The following RPRD2 variants were observed in gnomAD, a reference collection of about 807,000 sequenced individuals.
RPRD2 encodes regulation of nuclear pre-mRNA domain containing 2.
Under a neutral mutation model 104.4 loss-of-function variants are expected in RPRD2, and 12 were observed. That is an observed-to-expected ratio of 0.11 (90% CI 0.07 to 0.19). The LOEUF is 0.19. Among genes scored for constraint, RPRD2 ranks in the 10% least tolerant of loss-of-function variants. RPRD2 has a pLI of 1.00. For missense variants in RPRD2, 1,543 were observed against 1,790.1 expected, an observed-to-expected ratio of 0.86 and a Z score of 2.49; for synonymous variants, 714 against 684.9, an observed-to-expected ratio of 1.04 and a Z score of -0.66.
chr1:150,369,642 TGTA>T (rs1560141517), intron 1 of RPRD2, among the ~76,000 whole-genome samples: 28 of 136,106 alleles, frequency 2.1e-4, no homozygotes, highest in African/African-American at 3.8e-4. Flanking sequence ...TTTTTTTTTT[TGTA>T]TTTTTAGTAG....
intron 7 of RPRD2, among the ~76,000 whole-genome samples, chr1:150,450,178 C>CT (rs1667056776): frequency 6.6e-6 from 1 of 152,132 alleles, no homozygotes; most frequent in South Asian, 2.1e-4. Context: ...TATGAAAGAT[C>CT]TTAAGTCCAG....
chr1:150,422,577 C>G (rs1361822662), intron 2 of RPRD2, among the ~76,000 whole-genome samples: 2 of 151,954 alleles, frequency 1.3e-5, no homozygotes, highest in East Asian at 3.8e-4. Flanking sequence ...TTACTCAGTC[C>G]TAGGCTGATG....
chr1:150,444,401 T>G, intron 6 of RPRD2, 24 bp downstream of exon 6: 1 of 1,603,192 alleles, frequency 6.2e-7, no homozygotes, highest in East Asian at 2.3e-5. Context: ...CCTTTTAGAG[T>G]AAGTCAGATT....
At chr1:150,366,227 A>G (rs139783862) in intron 1 of RPRD2, among the ~76,000 whole-genome samples, 2,135 of 152,332 alleles carry the variant, frequency 0.014, 55 homozygotes, top group African/African-American at 0.049. Context: ...AGTGAGACCC[A>G]TCATCCAGTT....
At chr1:150,435,523 A>C (rs141040873) in intron 2 of RPRD2, among the ~76,000 whole-genome samples, 2 of 152,352 alleles carry the variant, frequency 1.3e-5, no homozygotes, top group African/African-American at 2.4e-5. Flanking sequence ...TAAGAAAGCA[A>C]AATAGCTTTA....
intron 1 of RPRD2, among the ~76,000 whole-genome samples, chr1:150,370,572 C>CTTTTTTTTTTTTTTT (rs11288735): frequency 9.1e-6 from 1 of 109,750 alleles, no homozygotes; most frequent in East Asian, 2.7e-4. Context: ...TCCATTTTGT[C>CTTTTTTTTTTTTTTT]TTTTTTTTTT....
intron 1 of RPRD2, among the ~76,000 whole-genome samples, chr1:150,389,086 G>T (rs895411051): frequency 2.6e-5 from 4 of 152,014 alleles, no homozygotes; most frequent in African/African-American, 4.8e-5. Flanking sequence ...GCCCAGGCTG[G>T]TGTGCAGTGG....
intron 1 of RPRD2, among the ~76,000 whole-genome samples, chr1:150,369,487 T>C (rs1572333845): frequency 7.9e-6 from 1 of 125,976 alleles, no homozygotes; most frequent in South Asian, 2.7e-4. Flanking sequence ...GACGGAGTCT[T>C]GCTCTGTCGC....
chr1:150,444,035 A>G (rs1007653960), intron 5 of RPRD2, among the ~76,000 whole-genome samples: 2 of 152,116 alleles, frequency 1.3e-5, no homozygotes, highest in Admixed American at 6.5e-5. Context: ...AAATAAATAA[A>G]TGAAGTCTAT....
At chr1:150,365,047 C>G in intron 1 of RPRD2, 128 bp downstream of exon 1, 2 of 843,942 alleles carry the variant, frequency 2.4e-6, no homozygotes, top group Middle Eastern at 3.6e-4. Context: ...AGGTTTGACC[C>G]CAGTGGTCCC....
chr1:150,474,278 A>G lies in RPRD2; in HGVS notation c.*944A>G, dbSNP rs1266034695. 6.6e-6 allele frequency: 1 copy of G among 152,184 alleles called. No individual in the cohort carries two copies. The highest frequency in any genetic ancestry group is 1.5e-5 in the Non-Finnish European group (1 of 68,030). The allele number at this position is 152,184 out of a possible 1,614,324, so 9.4% of individuals were successfully genotyped here. On this transcript the variant is annotated 3_prime_UTR_variant, in exon 11 of 11. Coordinates refer to ENST00000369068, the MANE Select transcript of RPRD2 (RefSeq NM_015203.5). Reference sequence around the variant, plus strand: ...ATAAGAAGTAGACATTAATTTTACCATGGTGCCTCCCTAATGTAAGTGATA... The same window carrying G: ...ATAAGAAGTAGACATTAATTTTACCGTGGTGCCTCCCTAATGTAAGTGATA...
Position 150,471,421 on chromosome 1 carries a change from A to G in RPRD2, c.2473A>G (p.Thr825Ala). 3.1e-6 allele frequency: 5 copies of G among 1,613,876 alleles called. No homozygotes were observed. The highest frequency in any genetic ancestry group is 4.2e-6 in the Non-Finnish European group (5 of 1,179,870). The change falls in exon 11 of 11, where the codon ACT (threonine) becomes GCT (alanine). Residue 825 changes from threonine (T) to alanine (A), a missense_variant. Physicochemically the swap from Thr to Ala is moderately conservative, Grantham distance 58 (BLOSUM62 0). Transcript: ENST00000369068. The surrounding 1 kb of genome is among the most constrained non-coding windows in gnomAD (Gnocchi z 5.3). ...TTCACAGGAAAAGTTCTACCCAGAT[A>G]CTTCTTTCCAAGAAGATGAGGATTA... ...DSSQEKFYPD[T>A]SFQEDEDYRD...
At chr1:150,384,187 C>T (rs1337128115) in intron 1 of RPRD2, among the ~76,000 whole-genome samples, 2 of 151,972 alleles carry the variant, frequency 1.3e-5, no homozygotes, top group African/African-American at 2.4e-5. Flanking sequence ...TTTCCTGGAA[C>T]GTGCTTGGGG....
At chr1:150,403,714 TC>T (rs1560173673) in intron 1 of RPRD2, among the ~76,000 whole-genome samples, 2 of 151,912 alleles carry the variant, frequency 1.3e-5, no homozygotes, top group Non-Finnish European at 2.9e-5. Flanking sequence ...AGTGTCACAA[TC>T]CCAGCTCACT....
At chr1:150,370,773 G>T (rs1660240978) in intron 1 of RPRD2, among the ~76,000 whole-genome samples, 1 of 151,704 alleles carries the variant, frequency 6.6e-6, no homozygotes. Flanking sequence ...ATGGGGTTTT[G>T]CCATGTTTGC....
chr1:150,373,937 C>T (rs775619422), intron 1 of RPRD2, among the ~76,000 whole-genome samples: 5 of 152,110 alleles, frequency 3.3e-5, no homozygotes, highest in Admixed American at 2.0e-4. Context: ...TATGAAATCT[C>T]TATTTGGTCT....
intron 1 of RPRD2, among the ~76,000 whole-genome samples, chr1:150,380,042 C>G (rs1447358541): frequency 6.6e-6 from 1 of 152,078 alleles, no homozygotes; most frequent in East Asian, 1.9e-4. Flanking sequence ...ATTTTATCAA[C>G]CAGTTAATTT....
rs1659682449 is a variant in RPRD2, at chr1:150,364,600, A to G, written c.-115A>G. The G allele has an allele frequency of 1.6e-6, 1 of 618,730 alleles. No homozygotes were observed. 38.3% of individuals were successfully genotyped at this position (618,730 alleles called of 1,614,324 possible). ...AGCGCGTGCACCATCCCCACCCCCT[A>G]GCTTCCCTCCCCACCTACGGCTTTC... On this transcript the variant is annotated 5_prime_UTR_variant, in exon 1 of 11. Coordinates refer to ENST00000369068, the MANE Select transcript of RPRD2 (RefSeq NM_015203.5).
chr1:150,451,674 C>CAAAAAA (rs35644538), intron 7 of RPRD2, among the ~76,000 whole-genome samples: 1 of 106,918 alleles, frequency 9.4e-6, no homozygotes, highest in Non-Finnish European at 1.9e-5. Context: ...GACTCCGTCT[C>CAAAAAA]AAAAAAAAAA....
Sources: allele counts gnomAD v4.1 joint callset (sites outside exome capture counted in the v4.1 genomes callset), GRCh38; gene constraint gnomAD v4.1.1; non-coding constraint Gnocchi (gnomAD v3.1); transcripts MANE v1.5; gene names NCBI Gene and HGNC (gene_info 2026-07-23, HGNC 2026-07-21).